Variants in ANXA7 observed in about 807,000 individuals in gnomAD.
ANXA7 encodes annexin VII.
Under a neutral mutation model 64.9 loss-of-function variants are expected in ANXA7, and 55 were observed. The ratio of observed to expected loss-of-function variants is 0.85; its 90% CI spans 0.68 to 1.06. ANXA7 has a LOEUF of 1.06. Ranked by LOEUF, ANXA7 falls within the 50% of genes least tolerant of loss-of-function variation. The pLI, the probability that ANXA7 is intolerant of heterozygous loss-of-function variation, is 0.00. For missense variants in ANXA7, 548 were observed against 582.1 expected (o/e 0.94, Z 0.60); for synonymous variants, 200 against 192.4 (o/e 1.04, Z -0.33).
chr10:73,390,845 G>A (rs373959009), intron 5 of ANXA7, among the ~76,000 whole-genome samples: 5 of 151,702 alleles, frequency 3.3e-5, no homozygotes, highest in African/African-American at 1.2e-4. Context: ...CAAGAATACT[G>A]TCATCTTCCA....
intron 5 of ANXA7, 82 bp downstream of exon 5, chr10:73,396,437 G>C (rs556781954): frequency 2.0e-6 from 2 of 1,003,348 alleles, no homozygotes; most frequent in Admixed American, 2.3e-5. Flanking sequence ...CATTTCCTCC[G>C]ACCCATGGAA....
Position 73,380,104 on chromosome 10 carries a change from T to G in ANXA7, c.1016A>C (p.Glu339Ala). The G allele has an allele frequency of 1.9e-6, 3 of 1,614,152 alleles. No homozygotes were observed. The highest frequency in any genetic ancestry group is 2.5e-6 in the Non-Finnish European group (3 of 1,180,020). ...GGCAAGGATCATGTTAAAGCAAGAT[T>G]CATCGGTCCCTAGTCTCCCCTCACC... ...QAGEGRLGTD[E>A]SCFNMILATR... Residue 339 changes from glutamate to alanine, a missense_variant, in exon 10 of 13, where the codon GAA becomes GCA. Transcript: ENST00000372921.
In ANXA7 at chr10:73,375,531, A is replaced by T. The variant is rs565394498; in HGVS notation, c.*564T>A. The T allele has an allele frequency of 6.6e-6, 1 of 152,344 alleles. No individual in the cohort carries two copies. The highest frequency in any genetic ancestry group is 6.5e-5 in the Admixed American group (1 of 15,300). The allele number at this position is 152,344 out of a possible 1,614,324, so 9.4% of individuals were successfully genotyped here. On this transcript the variant is annotated 3_prime_UTR_variant, in exon 13 of 13. Coordinates refer to ENST00000372921, the MANE Select transcript of ANXA7 (RefSeq NM_001156.5). Reference sequence around the variant, plus strand: ...AGTAGGCTATGTATCTTAAGCATATAAACATTTGACCCTTTCTTAAAAGGT... The same window carrying T: ...AGTAGGCTATGTATCTTAAGCATATTAACATTTGACCCTTTCTTAAAAGGT...
chr10:73,397,055 T>C (rs1186606342), intron 4 of ANXA7, 109 bp downstream of exon 4: 7 of 478,772 alleles, frequency 1.5e-5, no homozygotes, highest in Non-Finnish European at 2.2e-5. Context: ...TTTATGGAAA[T>C]ATAAACATTT....
In ANXA7 at chr10:73,383,286, T is replaced by C; in HGVS notation, c.807A>G (p.Glu269=). ...GATAACATCTGACAATTTCTCGGAT[T>C]TCCTGATTTGTTCTTGTGCACAAAA... is the stretch of plus-strand genomic sequence containing the variant. The part of the protein sequence containing the change: ...IEILCTRTNQ[E]IREIVRCYQS... Residue 269 remains glutamate (E), a synonymous_variant, in exon 9 of 13, where the codon GAA becomes GAG. Transcript: ENST00000372921. 1 of 1,614,174 alleles carries C rather than the reference T, an allele frequency of 6.2e-7. No individual in the cohort carries two copies. Among genetic ancestry groups the C allele is most frequent in the Non-Finnish European group, 8.5e-7 (1 of 1,180,018 alleles).
rs757267292 is a variant in ANXA7, at chr10:73,383,533, T to C, written c.747+44A>G. On this transcript the variant is annotated intron_variant, in intron 8 of 12. Coordinates refer to ENST00000372921, the MANE Select transcript of ANXA7 (RefSeq NM_001156.5). ...GTCATAATTTGTACGGTTTTACATA[T>C]GAAATAGGACAAAATATTCATAATA... The C allele has an allele frequency of 6.7e-6, 10 of 1,486,776 alleles. 1 individual carries two copies. Among genetic ancestry groups the C allele is most frequent in the Middle Eastern group, 3.4e-4 (2 of 5,856 alleles). The allele number at this position is 1,486,776 out of a possible 1,614,324, so 92.1% of individuals were successfully genotyped here.
Position 73,388,336 on chromosome 10 carries a change from G to C in ANXA7, c.514C>G (p.Leu172Val). 6.2e-7 allele frequency: 1 copy of C among 1,613,892 alleles called. No homozygotes were observed. Among genetic ancestry groups the C allele is most frequent in the Non-Finnish European group, 8.5e-7 (1 of 1,179,800 alleles). The change falls in exon 6 of 13, where the codon CTT (leucine) becomes GTT (valine). Residue 172 changes from leucine to valine, a missense_variant. By Grantham distance (32) the Leu-to-Val change is conservative (BLOSUM62 1). Transcript: ENST00000372921. ...CCAAAACCCTTCATTGCCTTACGAA[G>C]AATTTCTGCATCTCTTATAGCATCG... Reference protein sequence around the residue: ...NFDAIRDAEILRKAMKGFGTD... With the variant: ...NFDAIRDAEIVRKAMKGFGTD...
Position 73,388,391 on chromosome 10 carries a change from A to T in ANXA7, c.459T>A (p.Thr153=), listed in dbSNP as rs769622658. The T allele has an allele frequency of 5.0e-6, 8 of 1,613,750 alleles. No individual in the cohort carries two copies. Among genetic ancestry groups the T allele is most frequent in the Non-Finnish European group, 6.8e-6 (8 of 1,179,792 alleles). The change falls in exon 6 of 13, where the codon ACT becomes ACA. Residue 153 remains threonine (T), a synonymous_variant. Coordinates refer to ENST00000372921, the MANE Select transcript of ANXA7 (RefSeq NM_001156.5). The stretch of plus-strand genomic sequence containing the variant: ...TGGCAGCTGGTCGGATAGTTCCTTG[A>T]GTGACCTGAGTCACTGTGGCAGGCT... ...PSQPATVTQV[T]QGTIRPAANF...
chr10:73,408,926 A>G (rs2055800229), intron 1 of ANXA7, among the ~76,000 whole-genome samples: 1 of 152,234 alleles, frequency 6.6e-6, no homozygotes, highest in Admixed American at 6.5e-5. Flanking sequence ...AACAAAAACC[A>G]TATGATCTCA....
intron 1 of ANXA7, among the ~76,000 whole-genome samples, chr10:73,412,579 T>G (rs1328360213): frequency 6.7e-6 from 1 of 149,304 alleles, no homozygotes; most frequent in Non-Finnish European, 1.5e-5. Context: ...CTGCAACCTC[T>G]GCCTCCCGGG....
At chr10:73,401,609 C>T (rs1196248782) in intron 1 of ANXA7, among the ~76,000 whole-genome samples, 1 of 152,152 alleles carries the variant, frequency 6.6e-6, no homozygotes. Context: ...AAGTGATTCT[C>T]CTGCCTCAGC....
Position 73,378,932 on chromosome 10 carries a change from C to G in ANXA7, c.1257G>C (p.Arg419=). The change falls in exon 12 of 13, where the codon CGG becomes CGC. Residue 419 remains arginine, a synonymous_variant. Transcript: ENST00000372921. ...GAGTDDSTLV[R]IVVTRSEIDL... The stretch of plus-strand genomic sequence containing the variant: ...TCACCTCACTTCGAGTGACCACAAT[C>G]CGGACCAGGGTGGAGTCATCTGTGC... 1 of 1,613,554 alleles carries G rather than the reference C, an allele frequency of 6.2e-7. No homozygotes were observed. The highest frequency in any genetic ancestry group is 8.5e-7 in the Non-Finnish European group (1 of 1,179,714).
chr10:73,379,758 A>C (rs781388944), intron 11 of ANXA7, 121 bp downstream of exon 11: 5 of 941,000 alleles, frequency 5.3e-6, no homozygotes, highest in Non-Finnish European at 8.3e-6. Context: ...CCAAAGGATT[A>C]GATCAGCTAC....
chr10:73,396,465 G>A, intron 5 of ANXA7, 54 bp downstream of exon 5: 1 of 1,351,962 alleles, frequency 7.4e-7, no homozygotes, highest in Non-Finnish European at 1.0e-6. Flanking sequence ...CAAAGGATAG[G>A]TTCCTTCTTT....
intron 1 of ANXA7, among the ~76,000 whole-genome samples, chr10:73,413,608 C>T (rs1157666080): frequency 6.6e-6 from 1 of 152,220 alleles, no homozygotes; most frequent in Admixed American, 6.5e-5. Context: ...CCCAAGTTTC[C>T]CTAAATTCGC....
At chr10:73,393,688 C>G (rs189527055) in intron 5 of ANXA7, among the ~76,000 whole-genome samples, 1 of 152,098 alleles carries the variant, frequency 6.6e-6, no homozygotes, top group Non-Finnish European at 1.5e-5. Flanking sequence ...CCCTTCCTTA[C>G]ACCTTATACA....
chr10:73,396,914 G>C (rs2055585036), intron 4 of ANXA7, among the ~76,000 whole-genome samples: 1 of 150,298 alleles, frequency 6.7e-6, no homozygotes, highest in Admixed American at 6.6e-5. Flanking sequence ...GGGCAGAGAA[G>C]TTCCTGAAGG....
chr10:73,405,773 G>T (rs761734894), intron 1 of ANXA7, among the ~76,000 whole-genome samples: 4 of 152,136 alleles, frequency 2.6e-5, no homozygotes, highest in Non-Finnish European at 4.4e-5. Context: ...CTGTGAGACG[G>T]ATGATCACCA....
chr10:73,375,555 G>C lies in ANXA7; in HGVS notation c.*540C>G, dbSNP rs1389968150. The C allele has an allele frequency of 6.6e-6, 1 of 152,072 alleles. No homozygotes were observed. The highest frequency in any genetic ancestry group is 1.5e-5 in the Non-Finnish European group (1 of 68,016). The allele number at this position is 152,072 out of a possible 1,614,324, so 9.4% of individuals were successfully genotyped here. On this transcript the variant is annotated 3_prime_UTR_variant, in exon 13 of 13. Coordinates refer to ENST00000372921, the MANE Select transcript of ANXA7 (RefSeq NM_001156.5). ...TAAACATTTGACCCTTTCTTAAAAGGTGCCACAGGTAATACTAATCTATTT... is the reference window on the plus strand; with the variant it reads ...TAAACATTTGACCCTTTCTTAAAAGCTGCCACAGGTAATACTAATCTATTT...
Sources: allele counts gnomAD v4.1 joint callset (sites outside exome capture counted in the v4.1 genomes callset), GRCh38; gene constraint gnomAD v4.1.1; transcripts MANE v1.5; gene names NCBI Gene and HGNC (gene_info 2026-07-23, HGNC 2026-07-21).